FXR1: variants seen among roughly 807,000 people sequenced by gnomAD.
FXR1 encodes RNA-binding protein FXR1.
A neutral mutation model predicts 84.0 loss-of-function variants in FXR1; 15 were observed. The ratio of observed to expected loss-of-function variants is 0.18; its 90% CI spans 0.12 to 0.27. FXR1 has a LOEUF of 0.27. Among genes scored for constraint, FXR1 ranks in the 10% least tolerant of loss-of-function variants. The pLI, the probability that FXR1 is intolerant of heterozygous loss-of-function variation, is 1.00. For missense variants in FXR1, 480 were observed against 774.4 expected (o/e 0.62, Z 4.51); for synonymous variants, 245 against 250.7 (o/e 0.98, Z 0.21).
chr3:180,914,714 A>G (rs1717672721), intron 1 of FXR1: 2 of 804,210 alleles, frequency 2.5e-6, no homozygotes, highest in East Asian at 1.2e-4. Flanking sequence ...ATTGATCTCT[A>G]TACATATCTA....
At chr3:180,976,049 T>G in intron 16 of FXR1, 73 bp from the exon 17 acceptor site, 1 of 1,146,490 alleles carries the variant, frequency 8.7e-7, no homozygotes, top group Non-Finnish European at 1.3e-6. Context: ...AATTAGTGTT[T>G]ATGTAGCTGT....
At chr3:180,920,147 G>A (rs1283971407) in intron 1 of FXR1, among the ~76,000 whole-genome samples, 3 of 152,144 alleles carry the variant, frequency 2.0e-5, no homozygotes, top group Non-Finnish European at 4.4e-5. Flanking sequence ...CAGATCAGGA[G>A]CCTCAGAGGC....
In FXR1 at chr3:180,949,387, G is replaced by A. The variant is rs749795930; in HGVS notation, c.630+44G>A. ...AAAAGAGTTTTCTGTGTCCCATTTA[G>A]TTTTTGTTTGTTTTTTGGAGACAGA... On this transcript the variant is annotated intron_variant, in intron 7 of 16. Coordinates refer to ENST00000357559, the MANE Select transcript of FXR1 (RefSeq NM_005087.4). 4.3e-6 allele frequency: 4 copies of A among 926,116 alleles called. No individual in the cohort carries two copies. The Admixed American group carries it at 5.1e-5, about 12-fold the overall frequency. The allele number at this position is 926,116 out of a possible 1,614,324, so 57.4% of individuals were successfully genotyped here.
Position 180,951,426 on chromosome 3 carries a change from T to C in FXR1, c.759T>C (p.Ile253=). ...QARKVPGVTA[I]ELDEDTGTFR... ...GGAAGGTTCCTGGAGTTACCGCCAT[T>C]GAGCTAGATGAAGATACTGGAACAT... Residue 253 remains isoleucine (I), a synonymous_variant, in exon 8 of 17, where the codon ATT becomes ATC. Transcript: ENST00000357559. The C allele has an allele frequency of 2.5e-6, 4 of 1,612,236 alleles. No homozygotes were observed. In the Middle Eastern group the frequency reaches 4.9e-4, roughly 199 times the overall value.
At chr3:180,950,934 C>T (rs9835573) in intron 7 of FXR1, among the ~76,000 whole-genome samples, 9,623 of 151,850 alleles carry the variant, frequency 0.063, 742 homozygotes, top group African/African-American at 0.19. Flanking sequence ...ATTTTGTGGC[C>T]GCGTGTGGTA....
chr3:180,915,407 T>C, intron 1 of FXR1: 1 of 774,688 alleles, frequency 1.3e-6, no homozygotes, highest in East Asian at 2.7e-5. Flanking sequence ...TTCAGAACGT[T>C]ACGTATATAG....
At chr3:180,955,890 T>C (rs1052972242) in intron 9 of FXR1, among the ~76,000 whole-genome samples, 1 of 152,210 alleles carries the variant, frequency 6.6e-6, no homozygotes, top group East Asian at 1.9e-4. Context: ...CCTGTCTACG[T>C]TGGCTTTGGT....
At chr3:180,933,708 G>C (rs2108444469) in intron 2 of FXR1, among the ~76,000 whole-genome samples, 1 of 152,294 alleles carries the variant, frequency 6.6e-6, no homozygotes, top group South Asian at 2.1e-4. Context: ...AGGTCTTCCA[G>C]TTGACTACTG....
chr3:180,922,814 A>C (rs1468975627), intron 1 of FXR1, among the ~76,000 whole-genome samples: 1 of 152,014 alleles, frequency 6.6e-6, no homozygotes, highest in Non-Finnish European at 1.5e-5. Flanking sequence ...AGGTCTTGTT[A>C]TGTTGCCCAG....
chr3:180,919,853 A>T lies in FXR1; in HGVS notation c.51+7117A>T, dbSNP rs190780281. On this transcript the variant is annotated intron_variant, in intron 1 of 16. Transcript: ENST00000357559. ...CACGCCCGGCTGATTTTTGTATTAG[A>T]GATGGGGTTTCACCATATTGGCCAG... 2.6e-5 allele frequency among the ~76,000 whole-genome samples: 4 copies of T among 151,042 alleles called. No homozygotes were observed. In the East Asian group the frequency reaches 6.0e-4, roughly 22 times the overall value.
intron 1 of FXR1, among the ~76,000 whole-genome samples, chr3:180,914,358 A>G (rs1717625667): frequency 6.6e-6 from 1 of 152,032 alleles, no homozygotes; most frequent in Non-Finnish European, 1.5e-5. Context: ...GTCGTTTTGC[A>G]TCACCCCCCA....
chr3:180,937,514 T>G (rs1720658078), intron 3 of FXR1, among the ~76,000 whole-genome samples: 1 of 152,210 alleles, frequency 6.6e-6, no homozygotes, highest in South Asian at 2.1e-4. Flanking sequence ...AATCTAGAGT[T>G]TTTTTTAAAT....
At chr3:180,970,383 A>ATATATATATAT (rs1713377257) in intron 15 of FXR1, 25 bp downstream of exon 15, 1 of 366,380 alleles carries the variant, frequency 2.7e-6, no homozygotes, top group African/African-American at 3.0e-5. Flanking sequence ...AGGGAAGAGA[A>ATATATATATAT]ATATATATAT....
chr3:180,933,548 G>GT (rs1412495623), intron 2 of FXR1, among the ~76,000 whole-genome samples, 162 bp downstream of exon 2: 1 of 152,094 alleles, frequency 6.6e-6, no homozygotes, highest in African/African-American at 2.4e-5. Context: ...TTCTTTATCT[G>GT]TTTTTCTGTC....
Position 180,935,131 on chromosome 3 carries a change from C to T in FXR1, c.105-7C>T, listed in dbSNP as rs770895693. The T allele has an allele frequency of 3.5e-6, 5 of 1,418,544 alleles. No individual in the cohort carries two copies. The Admixed American group carries it at 5.1e-5, about 14-fold the overall frequency. 87.9% of individuals were successfully genotyped at this position (1,418,544 alleles called of 1,614,324 possible). On this transcript the variant is annotated splice_region_variant and splice_polypyrimidine_tract_variant and intron_variant, in intron 2 of 16. Transcript: ENST00000357559. ...AAGTTGTTAATACACCTTTTCTAAT[C>T]CTTCAGTTGGCAACCAGAACGCCAG...
intron 9 of FXR1, among the ~76,000 whole-genome samples, chr3:180,957,014 A>G (rs1176792898): frequency 6.6e-6 from 1 of 152,180 alleles, no homozygotes; most frequent in East Asian, 1.9e-4. Flanking sequence ...TCGGTTCCAT[A>G]TGGTGAAGGT....
At position 180,981,468 on chromosome 3, in the gene FXR1, T is replaced by C. The variant is rs1714605657; in HGVS notation, c.*5176T>C. 6.6e-6 allele frequency: 1 copy of C among 152,048 alleles called. No homozygotes were observed. The highest frequency in any genetic ancestry group is 1.9e-4 in the East Asian group (1 of 5,186). The allele number at this position is 152,048 out of a possible 1,614,324, so 9.4% of individuals were successfully genotyped here. Reference sequence around the variant, plus strand: ...AAGAGTTAACTTCCAGGACAACCCATTATAGCTCACTTCTTACCAACAAAG... The same window carrying C: ...AAGAGTTAACTTCCAGGACAACCCACTATAGCTCACTTCTTACCAACAAAG... On this transcript the variant is annotated 3_prime_UTR_variant, in exon 17 of 17. Transcript: ENST00000357559.
intron 3 of FXR1, among the ~76,000 whole-genome samples, chr3:180,945,593 A>C (rs1721613370): frequency 6.6e-6 from 1 of 152,114 alleles, no homozygotes; most frequent in Non-Finnish European, 1.5e-5. Flanking sequence ...TTTTTGATAG[A>C]GATGGGGTTT....
chr3:180,960,451 A>C (rs1051586736), intron 10 of FXR1, among the ~76,000 whole-genome samples: 1 of 152,164 alleles, frequency 6.6e-6, no homozygotes, highest in Non-Finnish European at 1.5e-5. Flanking sequence ...GTTTATAGAC[A>C]GTTTGAAGGA....
Sources: gnomAD v4.1 joint callset for allele counts (sites outside exome capture counted in the v4.1 genomes callset) on GRCh38, gnomAD v4.1.1 for gene constraint, MANE v1.5 for transcripts, NCBI Gene and HGNC (gene_info 2026-07-23, HGNC 2026-07-21) for gene names.